The following XPO4 variants were observed in gnomAD, a reference collection of about 807,000 sequenced individuals.
The protein encoded by XPO4 is exportin 4, also known as exportin-4.
Under a neutral mutation model 143.0 loss-of-function variants are expected in XPO4, and 39 were observed. The ratio of observed to expected loss-of-function variants is 0.27; its 90% CI spans 0.21 to 0.36. The LOEUF is 0.36. Ranked by LOEUF, XPO4 falls within the 10% of genes least tolerant of loss-of-function variation. XPO4 has a pLI of 1.00. For missense variants in XPO4, 907 were observed against 1,348.0 expected (o/e 0.67, Z 5.12); for synonymous variants, 439 against 474.0 (o/e 0.93, Z 0.96).
intron 1 of XPO4, among the ~76,000 whole-genome samples, chr13:20,876,293 A>C (rs1275142417): frequency 1.3e-5 from 2 of 151,212 alleles, no homozygotes; most frequent in African/African-American, 4.8e-5. Flanking sequence ...AAGAATAAGA[A>C]GGGGGTAATA....
At chr13:20,816,737 T>C (rs1429434850) in intron 9 of XPO4, among the ~76,000 whole-genome samples, 1 of 152,246 alleles carries the variant, frequency 6.6e-6, no homozygotes, top group Non-Finnish European at 1.5e-5. Flanking sequence ...CAGAGCTGAC[T>C]CATACAAGTC....
chr13:20,792,743 A>G (rs544106526), intron 18 of XPO4, among the ~76,000 whole-genome samples: 5 of 147,620 alleles, frequency 3.4e-5, no homozygotes, highest in South Asian at 2.1e-4. Context: ...AAAAAAAAAA[A>G]GTCAGATGCC....
intron 6 of XPO4, among the ~76,000 whole-genome samples, chr13:20,833,034 G>A (rs543847770): frequency 1.3e-5 from 2 of 152,150 alleles, no homozygotes; most frequent in East Asian, 3.9e-4. Flanking sequence ...ACACATACCT[G>A]CCAAACATTC....
At chr13:20,836,313 T>C (rs968001107) in intron 6 of XPO4, among the ~76,000 whole-genome samples, 1 of 139,474 alleles carries the variant, frequency 7.2e-6, no homozygotes, top group South Asian at 2.3e-4. Context: ...TCAAAAACAA[T>C]CTACATCTTA....
At position 20,859,813 on chromosome 13, in the gene XPO4, G is replaced by GA. The variant is rs759821544; in HGVS notation, c.317+2903dup. On this transcript the variant is annotated intron_variant, in intron 3 of 22. Transcript: ENST00000255305. ...AAAAAAAAAAAGAACAAATAAAAAG[G>GA]AAAAAAAAAGAATGCGATTATTTTG... 1,790 of 902,790 alleles carry GA rather than the reference G, an allele frequency of 2.0e-3. 1 individual carries two copies. The highest frequency in any genetic ancestry group is 2.2e-3 in the Non-Finnish European group (1,659 of 756,378). 55.9% of individuals were successfully genotyped at this position (902,790 alleles called of 1,614,324 possible). A position where few individuals can be genotyped will look rare whatever the true frequency, so the allele number is the denominator to read the frequency against.
intron 4 of XPO4, among the ~76,000 whole-genome samples, chr13:20,847,972 T>C (rs2060044500): frequency 6.6e-6 from 1 of 152,252 alleles, no homozygotes; most frequent in African/African-American, 2.4e-5. Flanking sequence ...ATTATTTCTA[T>C]GGCAATTATA....
At chr13:20,844,121 C>T (rs562046285) in intron 4 of XPO4, among the ~76,000 whole-genome samples, 1 of 152,266 alleles carries the variant, frequency 6.6e-6, no homozygotes, top group Non-Finnish European at 1.5e-5. Context: ...TTATACAAAT[C>T]CATCTAAGAC....
At chr13:20,800,083 T>C (rs978130892) in intron 15 of XPO4, 73 bp downstream of exon 15, 1 of 1,546,576 alleles carries the variant, frequency 6.5e-7, no homozygotes, top group African/African-American at 1.4e-5. Flanking sequence ...TTCAAAGGAC[T>C]ACACTAAGAA....
intron 1 of XPO4, among the ~76,000 whole-genome samples, chr13:20,882,310 G>A (rs1011589180): frequency 4.0e-5 from 6 of 151,448 alleles, no homozygotes; most frequent in Non-Finnish European, 7.4e-5. Context: ...CCATACACAC[G>A]GTACCAACAT....
At chr13:20,866,323 A>G in intron 2 of XPO4, 1 of 985,100 alleles carries the variant, frequency 1.0e-6, no homozygotes, top group Non-Finnish European at 1.2e-6. Flanking sequence ...AATGAGGAAA[A>G]ATGAGCAACA....
rs553875255 is a variant in XPO4 at position 20,786,216 on chromosome 13, A to G, written c.3258+749T>C. On this transcript the variant is annotated intron_variant, in intron 22 of 22. Transcript: ENST00000255305. ...AAAGGAGGTCTTTAAATAGTATGGA[A>G]GACCTCCTCTAAACCCTTTTTTAAA... 2.5e-4 allele frequency among the ~76,000 whole-genome samples: 38 copies of G among 152,030 alleles called. 1 individual carries two copies. The highest frequency in any genetic ancestry group is 8.2e-4 in the African/African-American group (34 of 41,472).
intron 2 of XPO4, among the ~76,000 whole-genome samples, chr13:20,864,873 T>C (rs1287087558): frequency 8.4e-6 from 1 of 119,216 alleles, no homozygotes; most frequent in African/African-American, 3.1e-5. Flanking sequence ...AATGGAGGAA[T>C]AAAAAAAAAA....
intron 3 of XPO4, among the ~76,000 whole-genome samples, chr13:20,857,588 G>A (rs934787461): frequency 2.0e-5 from 3 of 152,026 alleles, no homozygotes; most frequent in South Asian, 2.1e-4. Flanking sequence ...TTAGCCAGGC[G>A]TGGTGGCAGG....
intron 8 of XPO4, 101 bp downstream of exon 8, chr13:20,822,031 A>AAAAT (rs1199453797): frequency 6.9e-7 from 1 of 1,445,246 alleles, no homozygotes; most frequent in East Asian, 2.3e-5. Context: ...ACTTTACTTC[A>AAAAT]AAATATAAGG....
chr13:20,815,098 C>T (rs1021695876), intron 9 of XPO4, among the ~76,000 whole-genome samples: 1 of 152,116 alleles, frequency 6.6e-6, no homozygotes, highest in Non-Finnish European at 1.5e-5. Context: ...TCCAACTACA[C>T]GACATTCTAG....
intron 1 of XPO4, chr13:20,869,350 G>A (rs997200803): frequency 8.2e-5 from 18 of 219,360 alleles, no homozygotes; most frequent in South Asian, 3.3e-4. Flanking sequence ...GTTAACAATC[G>A]TTCTTCTAAA....
At chr13:20,791,031 A>G (rs951399218) in intron 18 of XPO4, among the ~76,000 whole-genome samples, 1 of 152,196 alleles carries the variant, frequency 6.6e-6, no homozygotes, top group Admixed American at 6.5e-5. Context: ...TACAGAAATT[A>G]AAATGTTACA....
At chr13:20,785,961 A>C (rs1226393921) in intron 22 of XPO4, among the ~76,000 whole-genome samples, 1 of 132,172 alleles carries the variant, frequency 7.6e-6, no homozygotes, top group Non-Finnish European at 1.6e-5. Flanking sequence ...AGATAGAAAA[A>C]AGAAAAGAAA....
At chr13:20,880,958 CA>C (rs35117619) in intron 1 of XPO4, among the ~76,000 whole-genome samples, 71,778 of 136,782 alleles carry the variant, frequency 0.52, 18,728 homozygotes, top group Non-Finnish European at 0.62. Context: ...ACCCTGCCTC[CA>C]AAAAAAAAAA....
Sources: allele counts gnomAD v4.1 joint callset (sites outside exome capture counted in the v4.1 genomes callset), GRCh38; gene constraint gnomAD v4.1.1; transcripts MANE v1.5; gene names NCBI Gene and HGNC (gene_info 2026-07-23, HGNC 2026-07-21).